SDK1: variants seen among roughly 807,000 people sequenced by gnomAD.
SDK1 encodes sidekick cell adhesion molecule 1, also known as protein sidekick-1.
In SDK1, 157 loss-of-function variants were observed where a neutral mutation model predicts 245.5. That is an observed-to-expected ratio of 0.64 (90% CI 0.56 to 0.73). The LOEUF (loss-of-function observed/expected upper bound fraction) is 0.73, where lower values mean the gene tolerates loss of function less well. Among genes scored for constraint, SDK1 ranks in the 30% least tolerant of loss-of-function variants. The pLI is 0.00. For synonymous variants in SDK1, 1,647 were observed against 1,278.5 expected (o/e 1.29, Z -6.15); for missense variants, 3,583 against 3,002.3 (o/e 1.19, Z -4.52).
intron 1 of SDK1, among the ~76,000 whole-genome samples, chr7:3,602,999 C>T (rs555585314): frequency 2.6e-5 from 4 of 152,084 alleles, no homozygotes; most frequent in African/African-American, 9.7e-5. Context: ...GATATACATG[C>T]AGCATTATTT....
chr7:3,670,317 T>G (rs1783658354), intron 4 of SDK1, among the ~76,000 whole-genome samples: 1 of 152,194 alleles, frequency 6.6e-6, no homozygotes, highest in South Asian at 2.1e-4. Context: ...AAATTTTTTC[T>G]TCCATCTCTT....
At chr7:3,582,322 CAGGTAGGTCTGT>C (rs1780528034) in intron 1 of SDK1, among the ~76,000 whole-genome samples, 2 of 147,054 alleles carry the variant, frequency 1.4e-5, no homozygotes, top group African/African-American at 5.2e-5. Flanking sequence ...AGGTCTGTCT[CAGGTAGGTCTGT>C]CTCAGGTAGG....
chr7:4,022,807 T>C (rs1787017325), intron 17 of SDK1, among the ~76,000 whole-genome samples: 1 of 149,028 alleles, frequency 6.7e-6, no homozygotes, highest in East Asian at 2.0e-4. Context: ...AGAGTCTTGC[T>C]CTGTCTCCCA....
rs555060763 is a variant in SDK1, at chr7:3,466,928, T to G, written c.299-152152T>G. Among the ~76,000 whole-genome samples, 3 of 151,692 alleles carry G rather than the reference T, an allele frequency of 2.0e-5. No individual in the cohort carries two copies. In the South Asian group the frequency reaches 6.3e-4, roughly 32 times the overall value. ...TATTTACAAACCATCCAATTCTTTT[T>G]CCTTAGTATTTTGTCTCTAGTTACT... On this transcript the variant is annotated intron_variant, in intron 1 of 44. Transcript: ENST00000404826.
intron 1 of SDK1, among the ~76,000 whole-genome samples, chr7:3,383,515 G>T (rs545091048): frequency 6.6e-6 from 1 of 152,274 alleles, no homozygotes; most frequent in African/African-American, 2.4e-5. Context: ...TGGCCTCCAT[G>T]TAATCAGATT....
intron 22 of SDK1, among the ~76,000 whole-genome samples, chr7:4,109,740 G>C (rs115096475): frequency 0.017 from 2,572 of 152,328 alleles, 75 homozygotes; most frequent in South Asian, 0.082. Flanking sequence ...ACCATCAAGG[G>C]GGAGAGAGGG....
intron 1 of SDK1, among the ~76,000 whole-genome samples, chr7:3,486,832 C>T (rs1446799013): frequency 6.6e-6 from 1 of 152,060 alleles, no homozygotes; most frequent in East Asian, 1.9e-4. Flanking sequence ...TTTTTGTGAA[C>T]ATTCCACATG....
chr7:3,421,308 G>C (rs79088719), intron 1 of SDK1, among the ~76,000 whole-genome samples: 1 of 152,024 alleles, frequency 6.6e-6, no homozygotes. Context: ...CTGATCTCCA[G>C]TGACCCGCCT....
rs374563079 is a variant in SDK1 at position 3,825,181 on chromosome 7, C to T, written c.847+3598C>T. Among the ~76,000 whole-genome samples, 217 of 152,232 alleles carry T rather than the reference C, an allele frequency of 1.4e-3. 1 individual carries two copies. Among genetic ancestry groups the T allele is most frequent in the African/African-American group, 4.9e-3 (205 of 41,536 alleles). On this transcript the variant is annotated intron_variant, in intron 5 of 44. Coordinates refer to ENST00000404826, the MANE Select transcript of SDK1 (RefSeq NM_152744.4). The stretch of plus-strand genomic sequence containing the variant: ...GCCTGCCTGAGAGTAGATGTGTCTT[C>T]CGAGGTCAGACCCGGGAAAGCTTTA...
intron 1 of SDK1, among the ~76,000 whole-genome samples, chr7:3,520,201 A>AT (rs1782889570): frequency 1.3e-5 from 2 of 152,084 alleles, no homozygotes; most frequent in African/African-American, 4.8e-5. Context: ...TGGAATAGTG[A>AT]TTTGTAAGTG....
chr7:3,412,428 A>G (rs1465841896), intron 1 of SDK1, among the ~76,000 whole-genome samples: 1 of 152,118 alleles, frequency 6.6e-6, no homozygotes, highest in Non-Finnish European at 1.5e-5. Context: ...GTTTGTGACT[A>G]TGTAATTAGG....
chr7:3,412,874 T>C (rs1398628118), intron 1 of SDK1, among the ~76,000 whole-genome samples: 5 of 152,330 alleles, frequency 3.3e-5, no homozygotes, highest in African/African-American at 1.2e-4. Context: ...TTCAACCTAA[T>C]GACCAGTTGA....
intron 1 of SDK1, among the ~76,000 whole-genome samples, chr7:3,450,882 G>A (rs1780492875): frequency 6.6e-6 from 1 of 152,174 alleles, no homozygotes; most frequent in Non-Finnish European, 1.5e-5. Flanking sequence ...AGAAGGAATG[G>A]CAGGAGACAT....
Position 3,411,711 on chromosome 7 carries a change from AT to A in SDK1, c.298+109836del, listed in dbSNP as rs199866841. The stretch of plus-strand genomic sequence containing the variant: ...ATTTCTCTTATTCATACTAATTCTC[AT>A]TTTTTTTTCTGCATCCTTTGTGTCT... On this transcript the variant is annotated intron_variant, in intron 1 of 44. Transcript: ENST00000404826. Among the ~76,000 whole-genome samples the A allele has an allele frequency of 2.0e-3, 296 of 151,232 alleles. 1 individual carries two copies. The highest frequency in any genetic ancestry group is 3.4e-3 in the Non-Finnish European group (231 of 67,746).
chr7:3,982,007 G>A lies in SDK1; in HGVS notation c.1995-5179G>A, dbSNP rs1783441327. 2.6e-5 allele frequency among the ~76,000 whole-genome samples: 4 copies of A among 152,278 alleles called. No homozygotes were observed. In the South Asian group the frequency reaches 8.3e-4, roughly 32 times the overall value. On this transcript the variant is annotated intron_variant, in intron 13 of 44. Coordinates refer to ENST00000404826, the MANE Select transcript of SDK1 (RefSeq NM_152744.4). ...CATCTAGGACTTTCCTAGTTACGGA[G>A]GAGAAATCAATGTCTGGTTTCAAAG...
chr7:3,905,841 C>G (rs1380959921), intron 5 of SDK1, among the ~76,000 whole-genome samples: 1 of 152,088 alleles, frequency 6.6e-6, no homozygotes, highest in African/African-American at 2.4e-5. Context: ...CCAGGCTGGT[C>G]TTGAACTCTT....
chr7:3,415,550 A>G (rs1184496471), intron 1 of SDK1, among the ~76,000 whole-genome samples: 3 of 152,068 alleles, frequency 2.0e-5, no homozygotes, highest in Non-Finnish European at 2.9e-5. Flanking sequence ...CCACAAAGTA[A>G]TACTATGTAT....
At chr7:3,571,462 C>G (rs934567440) in intron 1 of SDK1, among the ~76,000 whole-genome samples, 1 of 151,992 alleles carries the variant, frequency 6.6e-6, no homozygotes, top group East Asian at 1.9e-4. Flanking sequence ...ACCACCATGC[C>G]CAGCTAATTT....
chr7:3,374,249 C>T (rs996557411), intron 1 of SDK1, among the ~76,000 whole-genome samples: 3 of 152,094 alleles, frequency 2.0e-5, no homozygotes, highest in African/African-American at 4.8e-5. Context: ...CAATACCACC[C>T]CACTTAACTG....
Sources: allele counts gnomAD v4.1 joint callset (sites outside exome capture counted in the v4.1 genomes callset), GRCh38; gene constraint gnomAD v4.1.1; transcripts MANE v1.5; gene names NCBI Gene and HGNC (gene_info 2026-07-23, HGNC 2026-07-21).